Variants in UMODL1 observed in about 807,000 individuals in gnomAD.
UMODL1 encodes uromodulin like 1, also known as uromodulin-like 1.
A neutral mutation model predicts 136.3 loss-of-function variants in UMODL1; 128 were observed. The observed-to-expected ratio is 0.94, with a 90% CI of 0.81 to 1.09. The LOEUF (loss-of-function observed/expected upper bound fraction) is 1.09, where lower values mean the gene tolerates loss of function less well. Ranked by LOEUF, UMODL1 falls within the 50% of genes least tolerant of loss-of-function variation. The probability of loss-of-function intolerance (pLI) is 0.00; values close to 1 mark genes in which losing one functional copy is unlikely to be tolerated. For missense variants in UMODL1, 1,766 were observed against 1,725.6 expected (o/e 1.02, Z -0.41); for synonymous variants, 721 against 720.0 (o/e 1.00, Z -0.02).
At chr21:42,090,239 A>G (rs1057383449) in intron 5 of UMODL1, 59 bp from the exon 6 acceptor site, 22 of 1,607,576 alleles carry the variant, frequency 1.4e-5, no homozygotes, top group Non-Finnish European at 1.9e-5. Flanking sequence ...GTGCAGGTAG[A>G]TGAAGATGAC....
intron 9 of UMODL1, among the ~76,000 whole-genome samples, chr21:42,106,290 G>A (rs1004617784): frequency 1.3e-5 from 2 of 152,210 alleles, no homozygotes; most frequent in African/African-American, 4.8e-5. Flanking sequence ...CACCTTCACG[G>A]CGAGGATCTG....
rs577096873 is a variant in UMODL1, at chr21:42,085,677, G to T, written c.603+265G>T. Among the ~76,000 whole-genome samples, 1 of 152,330 alleles carries T rather than the reference G, an allele frequency of 6.6e-6. No homozygotes were observed. The highest frequency in any genetic ancestry group is 1.5e-5 in the Non-Finnish European group (1 of 68,026). ...TACCCTCATAGGCCCGCCTGTCGTG[G>T]TGGAGAACGCGGATCCCTAAGCTTG... is the stretch of plus-strand genomic sequence containing the variant. On this transcript the variant is annotated intron_variant, in intron 4 of 22. Coordinates refer to ENST00000408910, the MANE Select transcript of UMODL1 (RefSeq NM_001004416.3). The surrounding 1 kb of genome is among the most constrained non-coding windows in gnomAD (Gnocchi z 4.5).
At chr21:42,134,965 C>T (rs530906786) in intron 21 of UMODL1, among the ~76,000 whole-genome samples, 1 of 152,120 alleles carries the variant, frequency 6.6e-6, no homozygotes, top group Non-Finnish European at 1.5e-5. Context: ...ATGTGCAGAA[C>T]GTGCAGGTTG....
At position 42,085,636 on chromosome 21, in the gene UMODL1, T is replaced by C. The variant is rs1407953515; in HGVS notation, c.603+224T>C. On this transcript the variant is annotated intron_variant, in intron 4 of 22. Coordinates refer to ENST00000408910, the MANE Select transcript of UMODL1 (RefSeq NM_001004416.3). The surrounding 1 kb of genome is among the most constrained non-coding windows in gnomAD (Gnocchi z 4.5). ...CACACAACTGAAGCGTGTAGTTGGC[T>C]GAGTTGTTATGTGTGTACCCTCATA... is the stretch of plus-strand genomic sequence containing the variant. Among the ~76,000 whole-genome samples the C allele has an allele frequency of 6.6e-6, 1 of 152,204 alleles. No homozygotes were observed. Among genetic ancestry groups the C allele is most frequent in the African/African-American group, 2.4e-5 (1 of 41,450 alleles).
At chr21:42,081,902 C>T (rs2066366384) in intron 2 of UMODL1, among the ~76,000 whole-genome samples, 1 of 152,210 alleles carries the variant, frequency 6.6e-6, no homozygotes, top group Admixed American at 6.5e-5. Flanking sequence ...GCTTTTTGCA[C>T]TGGGAGACAA....
At chr21:42,109,518 T>C (rs2066784507) in intron 9 of UMODL1, 44 bp from the exon 10 acceptor site, 3 of 1,599,920 alleles carry the variant, frequency 1.9e-6, no homozygotes, top group African/African-American at 1.4e-5. Flanking sequence ...TGATCACTCT[T>C]TGGCTGTTTT....
At chr21:42,096,734 C>T (rs1012177374) in intron 6 of UMODL1, among the ~76,000 whole-genome samples, 2 of 152,252 alleles carry the variant, frequency 1.3e-5, no homozygotes, top group East Asian at 1.9e-4. Context: ...ATAGCTGCTG[C>T]GCCTGCTCGT....
chr21:42,094,056 C>A, intron 6 of UMODL1: 1 of 417,284 alleles, frequency 2.4e-6, no homozygotes, highest in Non-Finnish European at 4.9e-6. Flanking sequence ...TTACCCTGGT[C>A]AGTCATCCGG....
chr21:42,064,841 C>G (rs2146402134), intron 1 of UMODL1, among the ~76,000 whole-genome samples: 1 of 152,304 alleles, frequency 6.6e-6, no homozygotes, highest in African/African-American at 2.4e-5. Context: ...CAGGCGTGCA[C>G]CAACATGCCC....
chr21:42,086,674 A>T lies in UMODL1; in HGVS notation c.603+1262A>T, dbSNP rs142901522. On this transcript the variant is annotated intron_variant, in intron 4 of 22. Transcript: ENST00000408910. ...GCCTGAGATACCTCCTCCATTAAACATAAATAATCGGCCAGGAGTGGTGGC... is the reference window on the plus strand; with the variant it reads ...GCCTGAGATACCTCCTCCATTAAACTTAAATAATCGGCCAGGAGTGGTGGC... The T allele has an allele frequency of 6.2e-3, 2,807 of 453,974 alleles. 15 individuals are homozygous for T. Among genetic ancestry groups the T allele is most frequent in the Non-Finnish European group, 9.3e-3 (2,099 of 226,444 alleles). 28.1% of individuals were successfully genotyped at this position (453,974 alleles called of 1,614,324 possible).
At chr21:42,075,938 G>A (rs1024350370) in intron 1 of UMODL1, 67 bp from the exon 2 acceptor site, 35 of 1,589,726 alleles carry the variant, frequency 2.2e-5, no homozygotes, top group Admixed American at 3.4e-5. Context: ...GGGACGCCTT[G>A]CGGATAACCG....
At chr21:42,106,095 T>C (rs906735890) in intron 9 of UMODL1, among the ~76,000 whole-genome samples, 1 of 151,886 alleles carries the variant, frequency 6.6e-6, no homozygotes, top group Non-Finnish European at 1.5e-5. Context: ...CCAGTGATGG[T>C]GACGCCTCAG....
intron 21 of UMODL1, among the ~76,000 whole-genome samples, chr21:42,135,259 G>A (rs1427106695): frequency 6.6e-6 from 1 of 152,238 alleles, no homozygotes; most frequent in African/African-American, 2.4e-5. Context: ...AGTGGCTGTG[G>A]GAAATTACCA....
At chr21:42,129,213 G>A (rs1291386541) in intron 20 of UMODL1, among the ~76,000 whole-genome samples, 1 of 152,142 alleles carries the variant, frequency 6.6e-6, no homozygotes, top group Non-Finnish European at 1.5e-5. Context: ...ATGCACAGGT[G>A]CTGGGATTTA....
chr21:42,093,879 C>A (rs34421316), intron 6 of UMODL1: 12 of 456,454 alleles, frequency 2.6e-5, no homozygotes, highest in Admixed American at 1.9e-4. Flanking sequence ...AGCACGTGGC[C>A]TTGAGATCCA....
intron 12 of UMODL1, among the ~76,000 whole-genome samples, chr21:42,111,968 C>T (rs1050177519): frequency 9.9e-5 from 15 of 152,100 alleles, no homozygotes; most frequent in South Asian, 4.1e-4. Flanking sequence ...GCAGCTGGGG[C>T]GGAGGTCTGC....
rs1475811203 is a variant in UMODL1, at chr21:42,099,470, G to A, written c.1186+290G>A. On this transcript the variant is annotated intron_variant, in intron 7 of 22. Transcript: ENST00000408910. The surrounding 1 kb of genome is among the most constrained non-coding windows in gnomAD (Gnocchi z 4.1). ...ACTCAGAAGCACCAATAAGGCATCAGCTAGGGTGAAGCAAAGGAACAAAAT... is the reference window on the plus strand; with the variant it reads ...ACTCAGAAGCACCAATAAGGCATCAACTAGGGTGAAGCAAAGGAACAAAAT... 6.6e-6 allele frequency among the ~76,000 whole-genome samples: 1 copy of A among 152,154 alleles called. No homozygotes were observed. The highest frequency in any genetic ancestry group is 1.9e-4 in the East Asian group (1 of 5,188).
chr21:42,141,663 C>A lies in UMODL1; in HGVS notation c.*22-433C>A, dbSNP rs140975797. Among the ~76,000 whole-genome samples the A allele has an allele frequency of 1.3e-3, 194 of 152,312 alleles. 1 individual carries two copies. The highest frequency in any genetic ancestry group is 4.5e-3 in the African/African-American group (185 of 41,568). On this transcript the variant is annotated intron_variant, in intron 22 of 22. Coordinates refer to ENST00000408910, the MANE Select transcript of UMODL1 (RefSeq NM_001004416.3). ...CGAAGTGAGAACTGTCTCACCAGTT[C>A]TAAAGTTCCTGCAGACATCTGCTCT...
chr21:42,127,012 C>T lies in UMODL1; in HGVS notation c.3300C>T (p.Tyr1100=). Residue 1100 remains tyrosine, a synonymous_variant, in exon 19 of 23, where the codon TAC becomes TAT. Coordinates refer to ENST00000408910, the MANE Select transcript of UMODL1 (RefSeq NM_001004416.3). The stretch of plus-strand genomic sequence containing the variant: ...AAGCTGCTTCCTCTTGCAGGGTTTA[C>T]ACCATCATCGAGGACCTCCACGGCG... ...SSGFTLEWGV[Y]TIIEDLHGAG... 1.9e-6 allele frequency: 3 copies of T among 1,613,982 alleles called. No homozygotes were observed. The highest frequency in any genetic ancestry group is 1.7e-6 in the Non-Finnish European group (2 of 1,179,832).
Sources: allele counts gnomAD v4.1 joint callset (sites outside exome capture counted in the v4.1 genomes callset), GRCh38; gene constraint gnomAD v4.1.1; non-coding constraint Gnocchi (gnomAD v3.1); transcripts MANE v1.5; gene names NCBI Gene and HGNC (gene_info 2026-07-23, HGNC 2026-07-21).